The following PDE7A variants were observed in gnomAD, a reference collection of about 807,000 sequenced individuals.
The protein encoded by PDE7A is phosphodiesterase 7A.
In PDE7A, 39 loss-of-function variants were observed where a neutral mutation model predicts 64.3. That is an observed-to-expected ratio of 0.61 (90% CI 0.47 to 0.79). The LOEUF is 0.79. Among genes scored for constraint, PDE7A ranks in the 30% least tolerant of loss-of-function variants. PDE7A has a pLI of 0.00. For missense variants in PDE7A, 470 were observed against 582.8 expected (o/e 0.81, Z 1.99); for synonymous variants, 203 against 206.8 (o/e 0.98, Z 0.16).
At chr8:65,740,300 C>A (rs1234169188) in intron 5 of PDE7A, among the ~76,000 whole-genome samples, 2 of 152,130 alleles carry the variant, frequency 1.3e-5, no homozygotes, top group Non-Finnish European at 2.9e-5. Context: ...TATTTTCAAG[C>A]CTTTTATGCT....
intron 1 of PDE7A, among the ~76,000 whole-genome samples, chr8:65,823,090 T>C (rs769563090): frequency 1.1e-4 from 16 of 152,216 alleles, no homozygotes; most frequent in Non-Finnish European, 8.8e-5. Flanking sequence ...CACAGCCCAC[T>C]TGAATCCTGC....
chr8:65,769,891 T>C (rs1002513603), intron 3 of PDE7A, among the ~76,000 whole-genome samples: 1 of 152,184 alleles, frequency 6.6e-6, no homozygotes, highest in Non-Finnish European at 1.5e-5. Flanking sequence ...AGTGAAACTC[T>C]GTCTCAAAAA....
In PDE7A at chr8:65,837,543, CTT is replaced by C. The variant is rs564082968; in HGVS notation, c.138+3826_138+3827del. 5.3e-4 allele frequency among the ~76,000 whole-genome samples: 80 copies of C among 152,338 alleles called. 1 individual carries two copies. The East Asian group carries it at 0.014, about 26-fold the overall frequency. ...TAGCCTGAACATAATTTTACACACT[CTT>C]TTAAATAATTTTGTGCATGAAACAA... On this transcript the variant is annotated intron_variant, in intron 1 of 12. Transcript: ENST00000401827.
At chr8:65,826,259 T>C (rs1486089659) in intron 1 of PDE7A, among the ~76,000 whole-genome samples, 1 of 152,244 alleles carries the variant, frequency 6.6e-6, no homozygotes, top group Non-Finnish European at 1.5e-5. Context: ...ACAATCTTAC[T>C]GCATCTTAAA....
At chr8:65,767,305 C>T (rs1808839513) in intron 3 of PDE7A, among the ~76,000 whole-genome samples, 1 of 152,176 alleles carries the variant, frequency 6.6e-6, no homozygotes, top group Non-Finnish European at 1.5e-5. Flanking sequence ...TGATACATTT[C>T]CAACTGCATG....
At chr8:65,739,342 CCACA>C (rs1807298434) in intron 6 of PDE7A, among the ~76,000 whole-genome samples, 156 bp downstream of exon 6, 1 of 152,112 alleles carries the variant, frequency 6.6e-6, no homozygotes, top group African/African-American at 2.4e-5. Context: ...TTTAACAGCC[CCACA>C]GATGCAAGAG....
chr8:65,743,143 G>A (rs1332424217), intron 5 of PDE7A, among the ~76,000 whole-genome samples: 1 of 152,184 alleles, frequency 6.6e-6, no homozygotes, highest in Admixed American at 6.5e-5. Flanking sequence ...TTTATGTAAG[G>A]CTAAACCTTG....
intron 3 of PDE7A, among the ~76,000 whole-genome samples, chr8:65,748,265 T>A (rs1807778824): frequency 6.6e-6 from 1 of 152,106 alleles, no homozygotes; most frequent in Non-Finnish European, 1.5e-5. Context: ...ACATTTCATA[T>A]CCCAATGAGG....
intron 3 of PDE7A, among the ~76,000 whole-genome samples, chr8:65,757,205 G>C (rs1358353283): frequency 1.3e-5 from 2 of 152,210 alleles, no homozygotes; most frequent in African/African-American, 4.8e-5. Flanking sequence ...CTTGGGGCAG[G>C]TGAAAGGAGG....
intron 2 of PDE7A, among the ~76,000 whole-genome samples, chr8:65,781,915 G>A (rs974453783): frequency 2.0e-5 from 3 of 152,260 alleles, no homozygotes; most frequent in Middle Eastern, 3.4e-3. Context: ...ATATGTACTG[G>A]AGTAGAAAAG....
At chr8:65,831,939 T>A (rs992596604) in intron 1 of PDE7A, among the ~76,000 whole-genome samples, 1 of 152,224 alleles carries the variant, frequency 6.6e-6, no homozygotes, top group Non-Finnish European at 1.5e-5. Flanking sequence ...AAAAATAACT[T>A]ATAATTTCAC....
At position 65,719,301 on chromosome 8, in the gene PDE7A, G is replaced by T. The variant is rs765174760; in HGVS notation, c.1438C>A (p.Arg480=). The stretch of plus-strand genomic sequence containing the variant: ...ACTGGTTCTGGGGGTTATGATAACC[G>T]ATTTTCCTGAGGTAATAACTGTGAG... ...LNSQLLPQEN[R]LS The change falls in exon 13 of 13, where the codon CGG becomes AGG. Residue 480 remains arginine, a synonymous_variant. Transcript: ENST00000401827. 6.2e-7 allele frequency: 1 copy of T among 1,612,818 alleles called. No homozygotes were observed. Among genetic ancestry groups the T allele is most frequent in the Non-Finnish European group, 8.5e-7 (1 of 1,178,812 alleles).
chr8:65,751,744 G>A (rs985392525), intron 3 of PDE7A, among the ~76,000 whole-genome samples: 3 of 152,120 alleles, frequency 2.0e-5, no homozygotes, highest in Non-Finnish European at 4.4e-5. Context: ...TGCCTGCCGC[G>A]GCCTCCCAAA....
intron 3 of PDE7A, among the ~76,000 whole-genome samples, chr8:65,758,086 T>C (rs1264706800): frequency 1.3e-5 from 2 of 152,360 alleles, no homozygotes; most frequent in Admixed American, 6.5e-5. Context: ...CTAGTCCAGA[T>C]TGCTGGTTGT....
chr8:65,792,372 G>GA (rs886329022), intron 1 of PDE7A, among the ~76,000 whole-genome samples: 3 of 152,196 alleles, frequency 2.0e-5, no homozygotes, highest in Non-Finnish European at 4.4e-5. Context: ...TGATCAATAG[G>GA]AAAAAAATAT....
chr8:65,782,051 G>A (rs1341465006), intron 2 of PDE7A, among the ~76,000 whole-genome samples: 1 of 152,138 alleles, frequency 6.6e-6, no homozygotes, highest in Non-Finnish European at 1.5e-5. Flanking sequence ...TGGCAAAGAA[G>A]AAAACAAAAG....
chr8:65,749,082 G>C (rs1486630860), intron 3 of PDE7A, among the ~76,000 whole-genome samples: 1 of 152,204 alleles, frequency 6.6e-6, no homozygotes, highest in East Asian at 1.9e-4. Flanking sequence ...AGCACATTCA[G>C]TACACTGCCC....
intron 1 of PDE7A, among the ~76,000 whole-genome samples, chr8:65,826,678 T>C (rs78027859): frequency 0.057 from 8,749 of 152,206 alleles, 363 homozygotes; most frequent in Middle Eastern, 0.11. Flanking sequence ...AATGAACAAA[T>C]AAATTTGAAA....
chr8:65,752,770 A>C (rs1253777782), intron 3 of PDE7A, among the ~76,000 whole-genome samples: 1 of 152,152 alleles, frequency 6.6e-6, no homozygotes. Context: ...AAAATCAGAC[A>C]CTCTAAACTG....
Sources: allele counts gnomAD v4.1 joint callset (sites outside exome capture counted in the v4.1 genomes callset), GRCh38; gene constraint gnomAD v4.1.1; transcripts MANE v1.5; gene names NCBI Gene and HGNC (gene_info 2026-07-23, HGNC 2026-07-21).